AGAP9: variants seen among roughly 807,000 people sequenced by gnomAD.
The protein encoded by AGAP9 is arf-GAP with GTPase, ANK repeat and PH domain-containing protein 9.
Under a neutral mutation model 55.6 loss-of-function variants are expected in AGAP9, and 23 were observed. The observed-to-expected ratio is 0.41, with a 90% CI of 0.30 to 0.59. AGAP9 has a LOEUF of 0.59. AGAP9 is among the 20% of genes least tolerant of loss of function. The pLI is 0.25. For synonymous variants in AGAP9, 120 were observed against 305.0 expected (o/e 0.39, Z 6.32); for missense variants, 309 against 808.1 (o/e 0.38, Z 7.49).
rs1172404578 is a variant in AGAP9 at position 47,506,639 on chromosome 10, C to T, written c.533+909G>A. 2.9e-5 allele frequency among the ~76,000 whole-genome samples: 4 copies of T among 139,938 alleles called. 1 individual carries two copies. The highest frequency in any genetic ancestry group is 7.7e-5 in the African/African-American group (3 of 38,812). 91.8% of individuals were successfully genotyped at this position (139,938 alleles called of 152,430 possible). A position where few individuals can be genotyped will look rare whatever the true frequency, so the allele number is the denominator to read the frequency against. ...ACCACTGCGCCCCACCAGCTTATTG[C>T]TTTTTTTGTTTGTTTGTTTAGACAG... is the stretch of plus-strand genomic sequence containing the variant. On this transcript the variant is annotated intron_variant, in intron 6 of 7. Coordinates refer to ENST00000452145, the MANE Select transcript of AGAP9 (RefSeq NM_001190810.1).
At chr10:47,521,470 C>T (rs1336307613) in intron 2 of AGAP9, among the ~76,000 whole-genome samples, 1 of 139,732 alleles carries the variant, frequency 7.2e-6, no homozygotes. Context: ...ATTATCCTAC[C>T]TCTTTAAAAA....
chr10:47,518,644 A>T (rs1372512806), intron 3 of AGAP9, among the ~76,000 whole-genome samples: 2 of 112,048 alleles, frequency 1.8e-5, no homozygotes, highest in African/African-American at 3.6e-5. Flanking sequence ...TTGATCTCCT[A>T]ACCTCGTGAT....
At position 47,509,923 on chromosome 10, in the gene AGAP9, A is replaced by G. The variant is rs1300148810; in HGVS notation, c.497+248T>C. On this transcript the variant is annotated intron_variant, in intron 5 of 7. Coordinates refer to ENST00000452145, the MANE Select transcript of AGAP9 (RefSeq NM_001190810.1). ...GAACCTATCCTTCTCACTGTGTTCA[A>G]CATTGTCTAAAGGCATAAAGACATC... 2.1e-5 allele frequency among the ~76,000 whole-genome samples: 3 copies of G among 141,504 alleles called. 1 individual carries two copies. The highest frequency in any genetic ancestry group is 4.6e-5 in the Non-Finnish European group (3 of 65,200). 92.8% of individuals were successfully genotyped at this position (141,504 alleles called of 152,430 possible).
At chr10:47,511,259 A>G (rs1302933980) in intron 4 of AGAP9, among the ~76,000 whole-genome samples, 9 of 142,426 alleles carry the variant, frequency 6.3e-5, no homozygotes, top group Non-Finnish European at 1.4e-4. Context: ...TTATTTATTT[A>G]CTACGATAAA....
In AGAP9 at chr10:47,502,725, C is replaced by T; in HGVS notation, c.1404G>A (p.Gln468=). ...LTSQSEAMAL[Q]SIQNMRGNAH... is the part of the protein sequence containing the mutation. ...CGTTCCCACGCATGTTTTGGATCGA[C>T]TGCAGGGCCATGGCCTCACTCTGGC... Residue 468 remains glutamine, a synonymous_variant, in exon 8 of 8, where the codon CAG becomes CAA. Transcript: ENST00000452145. The T allele has an allele frequency of 1.2e-6, 2 of 1,604,576 alleles. No homozygotes were observed. The highest frequency in any genetic ancestry group is 1.7e-6 in the Non-Finnish European group (2 of 1,175,652).
chr10:47,519,492 G>T (rs1840781892), intron 3 of AGAP9, among the ~76,000 whole-genome samples: 1 of 123,012 alleles, frequency 8.1e-6, no homozygotes, highest in Admixed American at 8.3e-5. Context: ...AAAAGAGTGT[G>T]GTACCTTCCC....
At chr10:47,515,735 C>G (rs1188251217) in intron 4 of AGAP9, among the ~76,000 whole-genome samples, 5 of 140,660 alleles carry the variant, frequency 3.6e-5, no homozygotes, top group Non-Finnish European at 7.7e-5. Flanking sequence ...TTTTACTTTC[C>G]AGGCAGAAAA....
At chr10:47,504,846 CTTTTTTTTTTT>C (rs59529030) in intron 6 of AGAP9, among the ~76,000 whole-genome samples, 4 of 46,840 alleles carry the variant, frequency 8.5e-5, no homozygotes, top group Admixed American at 2.4e-4. Context: ...CATAACTGTT[CTTTTTTTTTTT>C]TTTTTTTTTT....
chr10:47,502,737 G>T lies in AGAP9; in HGVS notation c.1392C>A (p.Ala464=), dbSNP rs1840381055. ...SKSQLTSQSE[A]MALQSIQNMR... ...TGTTTTGGATCGACTGCAGGGCCAT[G>T]GCCTCACTCTGGCTGGTCAGCTGGG... is the stretch of plus-strand genomic sequence containing the variant. The change falls in exon 8 of 8, where the codon GCC becomes GCA. Residue 464 remains alanine, a synonymous_variant. Transcript: ENST00000452145. The T allele has an allele frequency of 6.3e-7, 1 of 1,595,096 alleles. No individual in the cohort carries two copies. Among genetic ancestry groups the T allele is most frequent in the African/African-American group, 1.4e-5 (1 of 73,910 alleles).
chr10:47,502,608 G>T lies in AGAP9; in HGVS notation c.1521C>A (p.Arg507=). The part of the protein sequence containing the change: ...LMCIECSGIH[R]SFGTRLSRVR... The stretch of plus-strand genomic sequence containing the variant: ...CACGGGAAAGGCGGGTGCCAAAACT[G>T]CGGTGGATACCTGAGCATTCAATAC... The change falls in exon 8 of 8, where the codon CGC becomes CGA. Residue 507 remains arginine (R), a synonymous_variant. Transcript: ENST00000452145. 1 of 1,573,372 alleles carries T rather than the reference G, an allele frequency of 6.4e-7. No homozygotes were observed. Among genetic ancestry groups the T allele is most frequent in the Non-Finnish European group, 8.7e-7 (1 of 1,153,148 alleles).
chr10:47,502,174 A>G lies in AGAP9; in HGVS notation c.1955T>C (p.Met652Thr), dbSNP rs1404633494. Reference sequence around the variant, plus strand: ...AGGTCAGCGCTGTGTTCCCGTGGGCATCTCGGGCCATGACGTCCACCCCGT... The same window carrying G: ...AGGTCAGCGCTGTGTTCCCGTGGGCGTCTCGGGCCATGACGTCCACCCCGT... ...LLTGWTSWPEMPTGTQR is the reference protein window; with the variant it reads ...LLTGWTSWPETPTGTQR Residue 652 changes from methionine (M) to threonine (T), a missense_variant, in exon 8 of 8, where the codon ATG becomes ACG. Physicochemically the swap from Met to Thr is moderately conservative, Grantham distance 81. Coordinates refer to ENST00000452145, the MANE Select transcript of AGAP9 (RefSeq NM_001190810.1). 4.2e-5 allele frequency: 65 copies of G among 1,551,056 alleles called. 13 individuals are homozygous for G. Among genetic ancestry groups the G allele is most frequent in the Non-Finnish European group, 5.5e-5 (63 of 1,146,010 alleles).
At position 47,511,441 on chromosome 10, in the gene AGAP9, G is replaced by C. The variant is rs1193887377; in HGVS notation, c.397-1170C>G. 3.4e-4 allele frequency among the ~76,000 whole-genome samples: 45 copies of C among 132,448 alleles called. 2 individuals are homozygous for C. The South Asian group carries it at 0.011, about 31-fold the overall frequency. The allele number at this position is 132,448 out of a possible 152,430, so 86.9% of individuals were successfully genotyped here. A position where few individuals can be genotyped will look rare whatever the true frequency, so the allele number is the denominator to read the frequency against. On this transcript the variant is annotated intron_variant, in intron 4 of 7. Transcript: ENST00000452145. ...GCCAGGGCTGCTAGGCCACCAACAA[G>C]TGAGGAAGCCATAGGTTTCTCTAGT...
At chr10:47,506,455 C>G (rs1840480137) in intron 6 of AGAP9, among the ~76,000 whole-genome samples, 1 of 134,458 alleles carries the variant, frequency 7.4e-6, no homozygotes. Flanking sequence ...CTCAGCCTCC[C>G]AAGTAACTGG....
rs1840770692 is a variant in AGAP9, at chr10:47,519,152, T to A, written c.362-1295A>T. On this transcript the variant is annotated intron_variant, in intron 3 of 7. Transcript: ENST00000452145. ...TCCCATCCCCATGGTAATAAGCAAA[T>A]TCTCATTATGGTAATTTAAAAGGCT... Among the ~76,000 whole-genome samples, 5 of 136,980 alleles carry A rather than the reference T, an allele frequency of 3.7e-5. 1 individual carries two copies. The highest frequency in any genetic ancestry group is 1.1e-4 in the African/African-American group (4 of 34,876). 89.9% of individuals were successfully genotyped at this position (136,980 alleles called of 152,430 possible).
chr10:47,511,506 A>C (rs1292143240), intron 4 of AGAP9, among the ~76,000 whole-genome samples: 2 of 115,386 alleles, frequency 1.7e-5, no homozygotes, highest in East Asian at 4.4e-4. Context: ...GTATCACTTA[A>C]ATATTCTCTC....
Position 47,502,035 on chromosome 10 carries a change from G to A in AGAP9, c.*117C>T, listed in dbSNP as rs1387030819. ...GAGTTATCCTTATTTTTCCCATTTT[G>A]TTTTTGCACCAAGGAGACTGCAGTC... On this transcript the variant is annotated 3_prime_UTR_variant, in exon 8 of 8. Transcript: ENST00000452145. 1.3e-6 allele frequency: 2 copies of A among 1,486,696 alleles called. No individual in the cohort carries two copies. The highest frequency in any genetic ancestry group is 2.0e-5 in the Admixed American group (1 of 50,326). The allele number at this position is 1,486,696 out of a possible 1,614,324, so 92.1% of individuals were successfully genotyped here.
intron 4 of AGAP9, among the ~76,000 whole-genome samples, chr10:47,514,280 C>G (rs1840688317): frequency 6.7e-6 from 1 of 150,132 alleles, no homozygotes; most frequent in South Asian, 2.1e-4. Flanking sequence ...GGAATACCAC[C>G]TCAGCCATAA....
chr10:47,503,148 A>G lies in AGAP9; in HGVS notation c.981T>C (p.His327=), dbSNP rs1183658989. 2.3e-4 allele frequency: 373 copies of G among 1,609,652 alleles called. 3 individuals are homozygous for G. In the African/African-American group the frequency reaches 4.4e-3, roughly 19 times the overall value. Residue 327 remains histidine (H), a synonymous_variant, in exon 8 of 8, where the codon CAT becomes CAC. Transcript: ENST00000452145. ...ATGTCCGAAGGTCAATCTCTTTTTT[A>G]TGAATATTCTTCATATAATCACCTA... ...SSLGDYMKNI[H]KKEIDLRTST...
At position 47,513,396 on chromosome 10, in the gene AGAP9, G is replaced by A. The variant is rs1840669382; in HGVS notation, c.397-3125C>T. Among the ~76,000 whole-genome samples, 2 of 142,172 alleles carry A rather than the reference G, an allele frequency of 1.4e-5. 1 individual carries two copies. Among genetic ancestry groups the A allele is most frequent in the Admixed American group, 1.4e-4 (2 of 13,928 alleles). 93.3% of individuals were successfully genotyped at this position (142,172 alleles called of 152,430 possible). ...ATTGCTGAATGAAGTCATGGACACA[G>A]ACAAATGGAAAGACACCCATGCTCA... On this transcript the variant is annotated intron_variant, in intron 4 of 7. Coordinates refer to ENST00000452145, the MANE Select transcript of AGAP9 (RefSeq NM_001190810.1).
Sources: gnomAD v4.1 joint callset for allele counts (sites outside exome capture counted in the v4.1 genomes callset) on GRCh38, gnomAD v4.1.1 for gene constraint, MANE v1.5 for transcripts, NCBI Gene and HGNC (gene_info 2026-07-23, HGNC 2026-07-21) for gene names.